Variants in ARID1A observed in about 807,000 individuals in gnomAD.
ARID1A encodes AT-rich interactive domain-containing protein 1A.
ARID1A carries 20 observed loss-of-function variants against 212.6 expected under a neutral mutation model. The observed-to-expected ratio is 0.09, with a 90% CI of 0.07 to 0.14. The LOEUF is 0.14. ARID1A is among the 10% of genes least tolerant of loss of function. The pLI is 1.00. For synonymous variants in ARID1A, 1,376 were observed against 1,222.1 expected (o/e 1.13, Z -2.63); for missense variants, 2,587 against 3,059.0 (o/e 0.85, Z 3.64).
At chr1:26,739,027 C>T (rs775605785) in intron 4 of ARID1A, among the ~76,000 whole-genome samples, 2 of 151,898 alleles carry the variant, frequency 1.3e-5, no homozygotes, top group Admixed American at 6.6e-5. Flanking sequence ...GCTGGGATTA[C>T]GGGCACCCAC....
chr1:26,730,233 C>CT (rs1198872594), intron 2 of ARID1A, among the ~76,000 whole-genome samples: 1 of 152,164 alleles, frequency 6.6e-6, no homozygotes, highest in African/African-American at 2.4e-5. Context: ...GGAAGAGGCC[C>CT]TTTATGCTTC....
Position 26,760,955 on chromosome 1 carries a change from A to C in ARID1A, c.2020A>C (p.Ser674Arg), listed in dbSNP as rs2080985967. The C allele has an allele frequency of 6.2e-7, 1 of 1,614,130 alleles. No individual in the cohort carries two copies. The highest frequency in any genetic ancestry group is 2.2e-5 in the East Asian group (1 of 44,878). The change falls in exon 5 of 20, where the codon AGT (serine) becomes CGT (arginine). Residue 674 changes from serine (S) to arginine (R), a missense_variant. Physicochemically the swap from Ser to Arg is moderately radical, Grantham distance 110. Around this residue, in one of 11 missense-constraint regions of ARID1A, gnomAD observed 674 missense variants for 813.4 expected, o/e 0.83. Transcript: ENST00000324856. Reference sequence around the variant, plus strand: ...GATTTCCAGCAGCCAAGGAGAGCAGAGTAATCCAGCTCAGTCTCCTTTCTC... The same window carrying C: ...GATTTCCAGCAGCCAAGGAGAGCAGCGTAATCCAGCTCAGTCTCCTTTCTC... ...SGISSSQGEQSNPAQSPFSPH... is the reference protein window; with the variant it reads ...SGISSSQGEQRNPAQSPFSPH...
intron 4 of ARID1A, among the ~76,000 whole-genome samples, chr1:26,760,179 A>G (rs1029436145): frequency 6.6e-6 from 1 of 152,230 alleles, no homozygotes; most frequent in Non-Finnish European, 1.5e-5. Flanking sequence ...TGTAGAAGTT[A>G]TGACTGGGAA....
chr1:26,781,200 CA>C lies in ARID1A; in HGVS notation c.*450del. On this transcript the variant is annotated 3_prime_UTR_variant, in exon 20 of 20. Transcript: ENST00000324856. ...AAATACAAAAAAAAATTCTGAAGGA[CA>C]AAAAAGGTGACTGCTGAACTGTGTG... The C allele has an allele frequency of 4.3e-6, 1 of 231,798 alleles. No homozygotes were observed. The highest frequency in any genetic ancestry group is 6.0e-5 in the East Asian group (1 of 16,584). The allele number at this position is 231,798 out of a possible 1,614,324, so 14.4% of individuals were successfully genotyped here.
At chr1:26,754,058 C>T (rs1455513889) in intron 4 of ARID1A, among the ~76,000 whole-genome samples, 3 of 152,186 alleles carry the variant, frequency 2.0e-5, no homozygotes, top group African/African-American at 7.2e-5. Flanking sequence ...CTGCCTGCCT[C>T]GGCCTCCCAA....
At position 26,781,530 on chromosome 1, in the gene ARID1A, CCTT is replaced by C. The variant is rs1382588716; in HGVS notation, c.*775_*777del. ...CAACACCCTGACCTCTTTCTCTCCT[CCTT>C]GATTGTATGAATAACCCTGAGATCA... On this transcript the variant is annotated 3_prime_UTR_variant, in exon 20 of 20. Coordinates refer to ENST00000324856, the MANE Select transcript of ARID1A (RefSeq NM_006015.6). The C allele has an allele frequency of 1.7e-5, 4 of 233,446 alleles. No homozygotes were observed. The highest frequency in any genetic ancestry group is 1.8e-4 in the South Asian group (1 of 5,536). 14.5% of individuals were successfully genotyped at this position (233,446 alleles called of 1,614,324 possible).
chr1:26,740,084 A>T (rs2080773788), intron 4 of ARID1A, among the ~76,000 whole-genome samples: 1 of 151,876 alleles, frequency 6.6e-6, no homozygotes, highest in Non-Finnish European at 1.5e-5. Context: ...TCCAAGTGTG[A>T]CATACAAGTA....
At chr1:26,708,782 T>A (rs1557578864) in intron 1 of ARID1A, among the ~76,000 whole-genome samples, 1 of 150,570 alleles carries the variant, frequency 6.6e-6, no homozygotes, top group East Asian at 2.0e-4. Flanking sequence ...GCAAGCTCCG[T>A]CTCCTGGGTT....
Position 26,774,382 on chromosome 1 carries a change from A to T in ARID1A, c.4155A>T (p.Glu1385Asp). 6.3e-7 allele frequency: 1 copy of T among 1,575,660 alleles called. No individual in the cohort carries two copies. Among genetic ancestry groups the T allele is most frequent in the Non-Finnish European group, 8.6e-7 (1 of 1,158,030 alleles). Residue 1385 changes from glutamate to aspartate, a missense_variant, in exon 18 of 20, where the codon GAA becomes GAT. Physicochemically the swap from Glu to Asp is conservative, Grantham distance 45. Coordinates refer to ENST00000324856, the MANE Select transcript of ARID1A (RefSeq NM_006015.6). This position sits in a 1 kb window ranked among gnomAD's most constrained non-coding sequence, Gnocchi z 5.6. The part of the protein sequence containing the change: ...GTYGPPAKRH[E>D]GEMYSVPYST... Reference sequence around the variant, plus strand: ...ATGGCCCTCCTGCCAAGCGGCACGAAGGGGAGATGTACAGCGTGCCATACA... The same window carrying T: ...ATGGCCCTCCTGCCAAGCGGCACGATGGGGAGATGTACAGCGTGCCATACA...
At chr1:26,775,556 C>T (rs1419254665) in intron 18 of ARID1A, 21 bp from the exon 19 acceptor site, 15 of 1,613,124 alleles carry the variant, frequency 9.3e-6, no homozygotes, top group African/African-American at 2.7e-5. Flanking sequence ...GGTGGATAGA[C>T]GACATGGAGG....
intron 4 of ARID1A, among the ~76,000 whole-genome samples, chr1:26,744,668 G>C (rs1387725477): frequency 6.6e-6 from 1 of 152,078 alleles, no homozygotes; most frequent in African/African-American, 2.4e-5. Flanking sequence ...GAAGACACTT[G>C]GTATCCTCTC....
At chr1:26,754,137 T>C (rs745402393) in intron 4 of ARID1A, among the ~76,000 whole-genome samples, 7 of 152,182 alleles carry the variant, frequency 4.6e-5, no homozygotes, top group Non-Finnish European at 8.8e-5. Context: ...GATAAATGTG[T>C]TGTAGAAAAC....
At chr1:26,717,970 T>C (rs1056438954) in intron 1 of ARID1A, among the ~76,000 whole-genome samples, 1 of 152,120 alleles carries the variant, frequency 6.6e-6, no homozygotes, top group East Asian at 1.9e-4. Flanking sequence ...TTTGTTGTTA[T>C]TTATTTTTGT....
At position 26,696,053 on chromosome 1, in the gene ARID1A, G is replaced by C. The variant is rs1203489301; in HGVS notation, c.-351G>C. On this transcript the variant is annotated 5_prime_UTR_variant, in exon 1 of 20. Transcript: ENST00000324856. Reference sequence around the variant, plus strand: ...CAGCAGAAAGCGGAGAGTCACAGCGGGGCCAGGCCCTGGGGAGCGGAGCCT... The same window carrying C: ...CAGCAGAAAGCGGAGAGTCACAGCGCGGCCAGGCCCTGGGGAGCGGAGCCT... 2 of 675,034 alleles carry C rather than the reference G, an allele frequency of 3.0e-6. No individual in the cohort carries two copies. Among genetic ancestry groups the C allele is most frequent in the East Asian group, 1.6e-4 (2 of 12,214 alleles). The allele number at this position is 675,034 out of a possible 1,614,324, so 41.8% of individuals were successfully genotyped here.
chr1:26,773,049 G>T (rs558907454), intron 14 of ARID1A, 62 bp downstream of exon 14: 1 of 1,555,332 alleles, frequency 6.4e-7, no homozygotes, highest in African/African-American at 1.4e-5. Context: ...GAAATGGGGG[G>T]AAATCTTGAG....
intron 12 of ARID1A, chr1:26,772,222 A>AGGGAAGCTGGCAATGACTCAG: frequency 2.2e-6 from 1 of 450,762 alleles, no homozygotes; most frequent in East Asian, 3.7e-5. Context: ...AGAAATAGCC[A>AGGGAAGCTGGCAATGACTCAG]GGGAAGCTGG....
chr1:26,759,018 TGAA>T (rs1198407326), intron 4 of ARID1A, among the ~76,000 whole-genome samples: 4 of 148,956 alleles, frequency 2.7e-5, no homozygotes, highest in Non-Finnish European at 5.9e-5. Flanking sequence ...CTTGGATACT[TGAA>T]GGAGAGCCTA....
Position 26,773,976 on chromosome 1 carries a change from AAGT to A in ARID1A, c.4101+79_4101+81del. The A allele has an allele frequency of 2.0e-6, 3 of 1,516,080 alleles. No homozygotes were observed. The South Asian group carries it at 3.5e-5, about 18-fold the overall frequency. The allele number at this position is 1,516,080 out of a possible 1,614,324, so 93.9% of individuals were successfully genotyped here. ...GTTAGTAAACTAATCTAACGTGTTG[AAGT>A]CTAAGAAGCTCACTTTAGATATTTT... On this transcript the variant is annotated intron_variant, in intron 17 of 19. Coordinates refer to ENST00000324856, the MANE Select transcript of ARID1A (RefSeq NM_006015.6).
In ARID1A at chr1:26,772,594, C is replaced by T. The variant is rs2124104654; in HGVS notation, c.3501C>T (p.Ser1167=). ...GGDLKPPTPA[S]TPHSQIPPLP... ...ACTTAAAGCCACCAACTCCAGCATC[C>T]ACACCACACAGTCAGATCCCCCCAT... The change falls in exon 13 of 20, where the codon TCC becomes TCT. Residue 1167 remains serine, a synonymous_variant. Coordinates refer to ENST00000324856, the MANE Select transcript of ARID1A (RefSeq NM_006015.6). The T allele has an allele frequency of 6.2e-7, 1 of 1,614,216 alleles. No homozygotes were observed. Among genetic ancestry groups the T allele is most frequent in the Non-Finnish European group, 8.5e-7 (1 of 1,180,042 alleles).
Sources: allele counts gnomAD v4.1 joint callset (sites outside exome capture counted in the v4.1 genomes callset), GRCh38; gene constraint gnomAD v4.1.1; regional missense constraint gnomAD v4.1.1; non-coding constraint Gnocchi (gnomAD v3.1); transcripts MANE v1.5; gene names NCBI Gene and HGNC (gene_info 2026-07-23, HGNC 2026-07-21).